ST6GALNAC3: variants seen among roughly 807,000 people sequenced by gnomAD.
ST6GALNAC3 encodes the protein ST6 N-acetylgalactosaminide alpha-2,6-sialyltransferase 3, also known as alpha-N-acetylgalactosaminide alpha-2,6-sialyltransferase 3.
In ST6GALNAC3, 25 loss-of-function variants were observed where a neutral mutation model predicts 32.7. The ratio of observed to expected loss-of-function variants is 0.76; its 90% CI spans 0.56 to 1.07. ST6GALNAC3 has a LOEUF of 1.07. Among genes scored for constraint, ST6GALNAC3 ranks in the 50% least tolerant of loss-of-function variants. The probability of loss-of-function intolerance (pLI) is 0.00; values close to 1 mark genes in which losing one functional copy is unlikely to be tolerated. For synonymous variants in ST6GALNAC3, 129 were observed against 133.1 expected, an observed-to-expected ratio of 0.97 and a Z score of 0.21; for missense variants, 355 against 382.4, an observed-to-expected ratio of 0.93 and a Z score of 0.60.
intron 3 of ST6GALNAC3, among the ~76,000 whole-genome samples, chr1:76,432,373 C>CAAAAAA (rs1345084176): frequency 7.3e-6 from 1 of 137,334 alleles, no homozygotes. Flanking sequence ...CTTGTTTGGG[C>CAAAAAA]AAAAAAAATG....
intron 3 of ST6GALNAC3, among the ~76,000 whole-genome samples, chr1:76,610,151 T>C (rs1262790163): frequency 6.6e-6 from 1 of 152,202 alleles, no homozygotes; most frequent in African/African-American, 2.4e-5. Context: ...GGAATTATCA[T>C]AGGATTTTAT....
intron 3 of ST6GALNAC3, among the ~76,000 whole-genome samples, chr1:76,426,563 G>A (rs111384065): frequency 6.7e-6 from 1 of 149,068 alleles, no homozygotes; most frequent in Admixed American, 6.7e-5. Flanking sequence ...ATATATATCT[G>A]TACATATATA....
At position 76,122,399 on chromosome 1, in the gene ST6GALNAC3, A is replaced by G. The variant is rs532236606; in HGVS notation, c.18+47515A>G. 4.6e-5 allele frequency among the ~76,000 whole-genome samples: 7 copies of G among 152,316 alleles called. No individual in the cohort carries two copies. The East Asian group carries it at 1.4e-3, about 29-fold the overall frequency. On this transcript the variant is annotated intron_variant, in intron 1 of 4. Transcript: ENST00000328299. The stretch of plus-strand genomic sequence containing the variant: ...CCAAAATATCAGTCAGCACAGGTCA[A>G]ACATGCCCCTATGTCTGCTCAGAGG...
intron 1 of ST6GALNAC3, among the ~76,000 whole-genome samples, chr1:76,239,575 A>T (rs562064087): frequency 4.7e-4 from 72 of 151,960 alleles, no homozygotes; most frequent in Admixed American, 3.9e-4. Flanking sequence ...AAGATGCCAG[A>T]CTCTTTAAAC....
In ST6GALNAC3 at chr1:76,569,023, A is replaced by C. The variant is rs575491832; in HGVS notation, c.624-58429A>C. Among the ~76,000 whole-genome samples the C allele has an allele frequency of 1.1e-3, 171 of 152,182 alleles. 1 individual carries two copies. The highest frequency in any genetic ancestry group is 1.5e-3 in the Non-Finnish European group (103 of 68,032). On this transcript the variant is annotated intron_variant, in intron 3 of 4. Coordinates refer to ENST00000328299, the MANE Select transcript of ST6GALNAC3 (RefSeq NM_152996.4). ...AGGCATACCGAATGGCGTACAAAAC[A>C]GACCTTAATGAGTACTGCTTGTCAA...
chr1:76,549,584 G>A (rs1041914020), intron 3 of ST6GALNAC3, among the ~76,000 whole-genome samples: 14 of 151,676 alleles, frequency 9.2e-5, no homozygotes, highest in Non-Finnish European at 1.3e-4. Flanking sequence ...CCATTTTTCT[G>A]TTGATAAACA....
chr1:76,087,852 CAT>C (rs1485590518), intron 1 of ST6GALNAC3, among the ~76,000 whole-genome samples: 1 of 152,186 alleles, frequency 6.6e-6, no homozygotes, highest in East Asian at 1.9e-4. Context: ...CATCAGCAAA[CAT>C]TTTCTGGACA....
At chr1:76,531,551 A>G (rs1663256671) in intron 3 of ST6GALNAC3, among the ~76,000 whole-genome samples, 1 of 152,240 alleles carries the variant, frequency 6.6e-6, no homozygotes, top group African/African-American at 2.4e-5. Context: ...AGCCAGATAT[A>G]GAAATCTAGC....
chr1:76,513,703 G>C (rs1203180716), intron 3 of ST6GALNAC3, among the ~76,000 whole-genome samples: 2 of 151,982 alleles, frequency 1.3e-5, no homozygotes, highest in African/African-American at 4.8e-5. Context: ...TTTGGTATTT[G>C]GTGTTTTGAT....
rs114949692 is a variant in ST6GALNAC3 at position 76,618,574 on chromosome 1, G to T, written c.624-8878G>T. 9.8e-3 allele frequency among the ~76,000 whole-genome samples: 1,484 copies of T among 152,178 alleles called. 26 individuals carry two copies. The highest frequency in any genetic ancestry group is 0.031 in the African/African-American group (1,304 of 41,502). On this transcript the variant is annotated intron_variant, in intron 3 of 4. Coordinates refer to ENST00000328299, the MANE Select transcript of ST6GALNAC3 (RefSeq NM_152996.4). ...ATAACAAACAATCCTGAAACTGAAT[G>T]ATTTGCAAAAATATTTTTATTTCCT... is the stretch of plus-strand genomic sequence containing the variant.
At chr1:76,257,562 A>G (rs1166879166) in intron 1 of ST6GALNAC3, among the ~76,000 whole-genome samples, 5 of 152,150 alleles carry the variant, frequency 3.3e-5, no homozygotes, top group African/African-American at 1.2e-4. Context: ...ATTTTCAAGC[A>G]TATTTAGTTG....
intron 2 of ST6GALNAC3, among the ~76,000 whole-genome samples, chr1:76,315,621 A>G (rs1288667306): frequency 6.6e-6 from 1 of 152,166 alleles, no homozygotes; most frequent in East Asian, 1.9e-4. Context: ...GAGAAAACAT[A>G]GTTACTGGAA....
At chr1:76,614,921 G>A (rs1049418250) in intron 3 of ST6GALNAC3, among the ~76,000 whole-genome samples, 2 of 151,834 alleles carry the variant, frequency 1.3e-5, no homozygotes, top group Admixed American at 6.6e-5. Flanking sequence ...AGGGTTCCAG[G>A]GGGTGCAGGG....
At chr1:76,410,890 T>C (rs370790533) in intron 2 of ST6GALNAC3, among the ~76,000 whole-genome samples, 12 of 152,224 alleles carry the variant, frequency 7.9e-5, no homozygotes, top group African/African-American at 2.6e-4. Flanking sequence ...TCTGACATAG[T>C]TTACTGTCTA....
intron 1 of ST6GALNAC3, among the ~76,000 whole-genome samples, chr1:76,084,363 C>T (rs1473667553): frequency 2.0e-5 from 3 of 152,162 alleles, no homozygotes; most frequent in Non-Finnish European, 4.4e-5. Context: ...TAATTTTACC[C>T]CAGATGTTGT....
chr1:76,566,703 C>T (rs1434185448), intron 3 of ST6GALNAC3, among the ~76,000 whole-genome samples: 1 of 152,200 alleles, frequency 6.6e-6, no homozygotes, highest in Non-Finnish European at 1.5e-5. Context: ...CTTTACCCAT[C>T]ACTCTCTCTT....
At chr1:76,248,388 T>C (rs1657428659) in intron 1 of ST6GALNAC3, among the ~76,000 whole-genome samples, 1 of 152,212 alleles carries the variant, frequency 6.6e-6, no homozygotes, top group South Asian at 2.1e-4. Context: ...AGTATGCAGT[T>C]ACAAGAGGTA....
intron 1 of ST6GALNAC3, among the ~76,000 whole-genome samples, chr1:76,151,172 C>T (rs115019284): frequency 0.014 from 2,164 of 152,232 alleles, 44 homozygotes; most frequent in African/African-American, 0.05. Context: ...CCCCTTCCTC[C>T]GCCTTCATTG....
At chr1:76,289,007 AT>A (rs1659932185) in intron 1 of ST6GALNAC3, among the ~76,000 whole-genome samples, 1 of 152,232 alleles carries the variant, frequency 6.6e-6, no homozygotes, top group Non-Finnish European at 1.5e-5. Flanking sequence ...GCCATTGTAT[AT>A]TCACATCTTG....
Sources: gnomAD v4.1 joint callset for allele counts (sites outside exome capture counted in the v4.1 genomes callset) on GRCh38, gnomAD v4.1.1 for gene constraint, MANE v1.5 for transcripts, NCBI Gene and HGNC (gene_info 2026-07-23, HGNC 2026-07-21) for gene names.